Variants in MYOF observed in about 807,000 individuals in gnomAD.
The protein encoded by MYOF is myoferlin.
In MYOF, 244 loss-of-function variants were observed where a neutral mutation model predicts 284.2. That is an observed-to-expected ratio of 0.86 (90% CI 0.77 to 0.95). The LOEUF is 0.95. MYOF is among the 40% of genes least tolerant of loss of function. MYOF has a pLI of 0.00. For missense variants in MYOF, 2,496 were observed against 2,560.6 expected, an observed-to-expected ratio of 0.97 and a Z score of 0.54; for synonymous variants, 904 against 919.7, an observed-to-expected ratio of 0.98 and a Z score of 0.31.
chr10:93,361,476 T>C lies in MYOF; in HGVS notation c.2950A>G (p.Ile984Val). The change falls in exon 28 of 54, where the codon ATA (isoleucine) becomes GTA (valine). Residue 984 changes from isoleucine (I) to valine (V), a missense_variant. Coordinates refer to ENST00000359263, the MANE Select transcript of MYOF (RefSeq NM_013451.4). ...CCTTTCTCATCCACCGCTCGATTTA[T>C]GTCATAAGACCATGCATCATCTTCC... is the stretch of plus-strand genomic sequence containing the variant. ...EWEDDAWSYD[I>V]NRAVDEKGWE... is the part of the protein sequence containing the mutation. 6.2e-7 allele frequency: 1 copy of C among 1,614,232 alleles called. No homozygotes were observed. The highest frequency in any genetic ancestry group is 8.5e-7 in the Non-Finnish European group (1 of 1,180,032).
Position 93,359,876 on chromosome 10 carries a change from T to A in MYOF, c.3077A>T (p.Lys1026Ile). 6.2e-7 allele frequency: 1 copy of A among 1,614,184 alleles called. No individual in the cohort carries two copies. Among genetic ancestry groups the A allele is most frequent in the Non-Finnish European group, 8.5e-7 (1 of 1,180,016 alleles). The change falls in exon 29 of 54, where the codon AAA (lysine) becomes ATA (isoleucine). Residue 1026 changes from lysine to isoleucine, a missense_variant. Transcript: ENST00000359263. ...AGTCTGTGTTAAATCTTTCTTGCGT[T>A]TTCGGACCAGCCTTCGCCGTCTATG... Reference protein sequence around the residue: ...HTHRRRRLVRKRKKDLTQTAS... With the variant: ...HTHRRRRLVRIRKKDLTQTAS...
rs1320524350 is a variant in MYOF at position 93,434,621 on chromosome 10, T to A, written c.237-3105A>T. Among the ~76,000 whole-genome samples the A allele has an allele frequency of 3.3e-5, 5 of 152,296 alleles. No individual in the cohort carries two copies. The East Asian group carries it at 9.7e-4, about 29-fold the overall frequency. ...GTTATTGCTTTTCCTGCTGCTGTCA[T>A]ACATTTAACTTCTACATGTTACAAA... On this transcript the variant is annotated intron_variant, in intron 3 of 53. Transcript: ENST00000359263.
intron 48 of MYOF, 144 bp downstream of exon 48, chr10:93,322,934 G>A: frequency 1.3e-6 from 1 of 766,954 alleles, no homozygotes; most frequent in Non-Finnish European, 2.2e-6. Flanking sequence ...CTTTCCAGGA[G>A]CTACCTAAGT....
intron 19 of MYOF, among the ~76,000 whole-genome samples, chr10:93,383,753 G>C (rs1291109773): frequency 6.6e-6 from 1 of 152,132 alleles, no homozygotes; most frequent in Non-Finnish European, 1.5e-5. Flanking sequence ...TTTGTGGCCT[G>C]AGTCAGGACC....
At chr10:93,477,912 C>T (rs2057300194) in intron 1 of MYOF, among the ~76,000 whole-genome samples, 1 of 152,046 alleles carries the variant, frequency 6.6e-6, no homozygotes, top group African/African-American at 2.4e-5. Context: ...CAGGGACACC[C>T]ACTGCAGTAC....
intron 5 of MYOF, among the ~76,000 whole-genome samples, chr10:93,412,043 C>T (rs1412723806): frequency 6.6e-6 from 1 of 152,154 alleles, no homozygotes; most frequent in Non-Finnish European, 1.5e-5. Context: ...GCCATGGACC[C>T]ACAGAATGTT....
chr10:93,428,199 T>A (rs1246389838), intron 4 of MYOF, among the ~76,000 whole-genome samples: 4 of 80,836 alleles, frequency 4.9e-5, no homozygotes, highest in East Asian at 2.6e-3. Flanking sequence ...TATGTGAATT[T>A]TTTTTTTTTT....
chr10:93,372,869 C>T, intron 24 of MYOF, 61 bp downstream of exon 24: 1 of 1,584,726 alleles, frequency 6.3e-7, no homozygotes, highest in South Asian at 1.1e-5. Flanking sequence ...AAAGCAGACC[C>T]TTCTCAGGAA....
intron 25 of MYOF, among the ~76,000 whole-genome samples, chr10:93,367,464 A>G (rs1477073251): frequency 6.6e-6 from 1 of 152,246 alleles, no homozygotes; most frequent in Admixed American, 6.5e-5. Context: ...TCAAGAGGAC[A>G]CAATGGTGCT....
chr10:93,402,460 A>G (rs1847341480), intron 10 of MYOF, 113 bp from the exon 11 acceptor site: 2 of 809,414 alleles, frequency 2.5e-6, no homozygotes, highest in Non-Finnish European at 2.0e-6. Context: ...TTCACGACAC[A>G]CCAAATTCCC....
intron 49 of MYOF, among the ~76,000 whole-genome samples, chr10:93,319,455 A>G (rs1422145203): frequency 6.6e-6 from 1 of 152,080 alleles, no homozygotes; most frequent in African/African-American, 2.4e-5. Flanking sequence ...AGTGCCTCTG[A>G]GGGAGGTAAA....
At chr10:93,329,205 C>T (rs1271317742) in intron 44 of MYOF, among the ~76,000 whole-genome samples, 2 of 152,176 alleles carry the variant, frequency 1.3e-5, no homozygotes, top group African/African-American at 4.8e-5. Flanking sequence ...AACTCATAAA[C>T]TAGAAATTGC....
At chr10:93,332,952 G>A (rs1445430080) in intron 43 of MYOF, among the ~76,000 whole-genome samples, 4 of 152,128 alleles carry the variant, frequency 2.6e-5, no homozygotes, top group Non-Finnish European at 5.9e-5. Flanking sequence ...GGGGGTCCCC[G>A]GAAAAACTCC....
intron 1 of MYOF, among the ~76,000 whole-genome samples, chr10:93,472,690 T>C (rs2057176026): frequency 6.6e-6 from 1 of 152,200 alleles, no homozygotes; most frequent in African/African-American, 2.4e-5. Context: ...TTAAAATAGT[T>C]AAGATGGTAA....
chr10:93,430,541 C>T lies in MYOF; in HGVS notation c.345+867G>A, dbSNP rs1044816321. ...AGGTTGCAGTGAGCCGAGATCATGCCACTGCCCTCCAGCCTGGGTGACGGA... is the reference window on the plus strand; with the variant it reads ...AGGTTGCAGTGAGCCGAGATCATGCTACTGCCCTCCAGCCTGGGTGACGGA... On this transcript the variant is annotated intron_variant, in intron 4 of 53. Coordinates refer to ENST00000359263, the MANE Select transcript of MYOF (RefSeq NM_013451.4). Among the ~76,000 whole-genome samples, 15 of 149,358 alleles carry T rather than the reference C, an allele frequency of 1.0e-4. 1 individual carries two copies. Among genetic ancestry groups the T allele is most frequent in the Admixed American group, 2.0e-4 (3 of 14,972 alleles).
intron 1 of MYOF, among the ~76,000 whole-genome samples, chr10:93,462,190 C>T (rs558699801): frequency 1.3e-3 from 202 of 152,140 alleles, no homozygotes; most frequent in African/African-American, 4.4e-3. Flanking sequence ...CTGCCTCAGC[C>T]TCCTGAGTAG....
chr10:93,307,387 C>A (rs1341983950), intron 53 of MYOF, among the ~76,000 whole-genome samples: 1 of 151,862 alleles, frequency 6.6e-6, no homozygotes, highest in Non-Finnish European at 1.5e-5. Context: ...CCTCCGCCTC[C>A]CAGGTTCACG....
In MYOF at chr10:93,454,987, T is replaced by TAAAA. The variant is rs56013436; in HGVS notation, c.144+1891_144+1894dup. 2.0e-4 allele frequency among the ~76,000 whole-genome samples: 12 copies of TAAAA among 58,656 alleles called. 1 individual carries two copies. Among genetic ancestry groups the TAAAA allele is most frequent in the South Asian group, 6.5e-4 (1 of 1,528 alleles). The allele number at this position is 58,656 out of a possible 152,430, so 38.5% of individuals were successfully genotyped here. A position where few individuals can be genotyped will look rare whatever the true frequency, so the allele number is the denominator to read the frequency against. The stretch of plus-strand genomic sequence containing the variant: ...GAGCGAGACCCTGTCTTTTTTTAAT[T>TAAAA]AAAAAAAAAAAAAAAAAAAAAAAAA... On this transcript the variant is annotated intron_variant, in intron 2 of 53. Coordinates refer to ENST00000359263, the MANE Select transcript of MYOF (RefSeq NM_013451.4).
At position 93,336,063 on chromosome 10, in the gene MYOF, G is replaced by C; in HGVS notation, c.4438-17C>G. ...ATTATATATCTGAAAACCACCAACA[G>C]AGTCTTAATTTCTCATTAAAATGCA... On this transcript the variant is annotated splice_polypyrimidine_tract_variant and intron_variant, in intron 40 of 53. Transcript: ENST00000359263. 6.2e-7 allele frequency: 1 copy of C among 1,611,406 alleles called. No homozygotes were observed. The highest frequency in any genetic ancestry group is 2.2e-5 in the East Asian group (1 of 44,852).
Sources: allele counts gnomAD v4.1 joint callset (sites outside exome capture counted in the v4.1 genomes callset), GRCh38; gene constraint gnomAD v4.1.1; transcripts MANE v1.5; gene names NCBI Gene and HGNC (gene_info 2026-07-23, HGNC 2026-07-21).